Variants in CCDC158 observed in about 807,000 individuals in gnomAD.
CCDC158 encodes the protein coiled-coil domain containing 158.
CCDC158 carries 116 observed loss-of-function variants against 138.6 expected under a neutral mutation model. The observed-to-expected ratio is 0.84, with a 90% confidence interval of 0.72 to 0.98. The LOEUF (loss-of-function observed/expected upper bound fraction) is 0.98, where lower values mean the gene tolerates loss of function less well. Among genes scored for constraint, CCDC158 ranks in the 50% least tolerant of loss-of-function variants. The pLI is 0.00. For missense variants in CCDC158, 1,265 were observed against 1,306.1 expected (o/e 0.97, Z 0.48); for synonymous variants, 436 against 442.4 (o/e 0.99, Z 0.18).
chr4:76,315,218 G>A (rs944668534), intron 24 of CCDC158, among the ~76,000 whole-genome samples: 4 of 152,066 alleles, frequency 2.6e-5, no homozygotes, highest in African/African-American at 9.7e-5. Context: ...AACTCCACTG[G>A]CCCAAGAACC....
chr4:76,351,002 C>A lies in CCDC158; in HGVS notation c.2658G>T (p.Leu886=). ...VPSSQSTASF[L]SHHSTKANTL... ...CATAAGACTGGTTACTTACATGAGA[C>A]AGGAAGCTGGCTGTAGACTGCGAAG... Residue 886 remains leucine (L), a synonymous_variant, in exon 18 of 25, where the codon CTG becomes CTT. Transcript: ENST00000682701. 1.2e-6 allele frequency: 2 copies of A among 1,613,286 alleles called. No homozygotes were observed. The highest frequency in any genetic ancestry group is 2.2e-5 in the South Asian group (2 of 90,948).
rs532099268 is a variant in CCDC158, at chr4:76,416,143, CT to C, written c.-116-4012del. On this transcript the variant is annotated intron_variant, in intron 1 of 24. Transcript: ENST00000682701. The stretch of plus-strand genomic sequence containing the variant: ...ATAATGGTGTAAGCTGTCTCTCTCT[CT>C]CTCCTCTCTCTCTCTGCCTCAGCTG... Among the ~76,000 whole-genome samples the C allele has an allele frequency of 1.7e-3, 265 of 151,692 alleles. 2 individuals are homozygous for C. The highest frequency in any genetic ancestry group is 6.1e-3 in the African/African-American group (252 of 41,028).
At chr4:76,323,489 C>T in intron 23 of CCDC158, 80 bp from the exon 24 acceptor site, 1 of 1,111,236 alleles carries the variant, frequency 9.0e-7, no homozygotes, top group South Asian at 1.7e-5. Context: ...AAAGGCTAAA[C>T]AATTTTTCTT....
chr4:76,372,241 C>A (rs1042210076), intron 9 of CCDC158, among the ~76,000 whole-genome samples: 1 of 152,122 alleles, frequency 6.6e-6, no homozygotes, highest in African/African-American at 2.4e-5. Context: ...GAGTTCAAGA[C>A]CAACCTAGGC....
intron 2 of CCDC158, among the ~76,000 whole-genome samples, chr4:76,411,051 A>G (rs2109905883): frequency 6.6e-6 from 1 of 152,344 alleles, no homozygotes; most frequent in South Asian, 2.1e-4. Context: ...CTTCCTACAT[A>G]GTAACTGCCT....
At chr4:76,387,877 G>C (rs191115629) in intron 4 of CCDC158, among the ~76,000 whole-genome samples, 115 of 150,048 alleles carry the variant, frequency 7.7e-4, no homozygotes, top group Non-Finnish European at 1.1e-3. Flanking sequence ...GCCAGGCATG[G>C]TGGCACATGC....
At chr4:76,353,967 C>T (rs1415770759) in intron 15 of CCDC158, among the ~76,000 whole-genome samples, 1 of 151,990 alleles carries the variant, frequency 6.6e-6, no homozygotes, top group African/African-American at 2.4e-5. Flanking sequence ...TAGTGAAAAA[C>T]ATTTATTGTA....
intron 18 of CCDC158, among the ~76,000 whole-genome samples, chr4:76,340,247 G>C (rs1017941938): frequency 1.3e-5 from 2 of 152,216 alleles, no homozygotes; most frequent in Non-Finnish European, 2.9e-5. Context: ...TTTTGAAAGA[G>C]GCTGTGCCAG....
At position 76,366,666 on chromosome 4, in the gene CCDC158, T is replaced by C. The variant is rs141915519; in HGVS notation, c.1830+628A>G. 3.1e-3 allele frequency among the ~76,000 whole-genome samples: 412 copies of C among 133,194 alleles called. 2 individuals carry two copies. Among genetic ancestry groups the C allele is most frequent in the African/African-American group, 0.01 (372 of 36,906 alleles). 87.4% of individuals were successfully genotyped at this position (133,194 alleles called of 152,430 possible). A position where few individuals can be genotyped will look rare whatever the true frequency, so the allele number is the denominator to read the frequency against. ...ACACACACACACACACACGGCAATA[T>C]AGAATGTGAACCAGGTTTTAACAGG... is the stretch of plus-strand genomic sequence containing the variant. On this transcript the variant is annotated intron_variant, in intron 12 of 24. Coordinates refer to ENST00000682701, the MANE Select transcript of CCDC158 (RefSeq NM_001394954.1).
At chr4:76,340,984 C>T (rs1035582605) in intron 18 of CCDC158, among the ~76,000 whole-genome samples, 5 of 151,960 alleles carry the variant, frequency 3.3e-5, no homozygotes, top group Non-Finnish European at 7.4e-5. Flanking sequence ...GCTTTTTGTG[C>T]TATGGGAAGA....
rs1263543906 is a variant in CCDC158, at chr4:76,359,016, G to A, written c.2021-1490C>T. ...GGGAGGTGATTGGATCATGGGGAAG[G>A]ATTTCCCCCTTGCTGTTCTTGTGAC... On this transcript the variant is annotated intron_variant, in intron 13 of 24. Transcript: ENST00000682701. Among the ~76,000 whole-genome samples, 3 of 152,212 alleles carry A rather than the reference G, an allele frequency of 2.0e-5. No homozygotes were observed. The East Asian group carries it at 5.8e-4, about 29-fold the overall frequency.
At chr4:76,342,135 A>G (rs1722110128) in intron 18 of CCDC158, among the ~76,000 whole-genome samples, 1 of 152,088 alleles carries the variant, frequency 6.6e-6, no homozygotes, top group African/African-American at 2.4e-5. Context: ...CCTCGTACTC[A>G]TGGACTCAAG....
At chr4:76,376,203 G>A (rs943347793) in intron 9 of CCDC158, among the ~76,000 whole-genome samples, 3 of 152,030 alleles carry the variant, frequency 2.0e-5, no homozygotes, top group Non-Finnish European at 4.4e-5. Flanking sequence ...ACAGGCGCAC[G>A]CTACCATGCC....
chr4:76,325,645 T>C (rs1471356360), intron 23 of CCDC158, among the ~76,000 whole-genome samples: 2 of 152,196 alleles, frequency 1.3e-5, no homozygotes, highest in African/African-American at 4.8e-5. Flanking sequence ...AGAGAGATAA[T>C]GTTTACATAT....
intron 11 of CCDC158, among the ~76,000 whole-genome samples, chr4:76,368,197 G>A (rs1724881902): frequency 6.6e-6 from 1 of 152,100 alleles, no homozygotes; most frequent in Non-Finnish European, 1.5e-5. Context: ...TTTCCTCTGT[G>A]GATGTTTTCT....
intron 18 of CCDC158, among the ~76,000 whole-genome samples, chr4:76,340,680 G>C (rs1721965788): frequency 6.6e-6 from 1 of 152,000 alleles, no homozygotes; most frequent in Non-Finnish European, 1.5e-5. Flanking sequence ...ACCTCCAGAT[G>C]GGACCATCTA....
chr4:76,333,965 C>T, intron 19 of CCDC158, 45 bp downstream of exon 19: 1 of 1,428,216 alleles, frequency 7.0e-7, no homozygotes, highest in Admixed American at 2.1e-5. Flanking sequence ...AATGGCAAAC[C>T]ATTCAAGAGA....
At chr4:76,347,954 A>G (rs1560405004) in intron 18 of CCDC158, among the ~76,000 whole-genome samples, 1 of 152,168 alleles carries the variant, frequency 6.6e-6, no homozygotes, top group Admixed American at 6.5e-5. Flanking sequence ...AAAATATCTT[A>G]GAGTGGGCAA....
At chr4:76,387,420 C>T (rs1333559006) in intron 4 of CCDC158, among the ~76,000 whole-genome samples, 1 of 152,158 alleles carries the variant, frequency 6.6e-6, no homozygotes, top group Non-Finnish European at 1.5e-5. Context: ...GGCATGGTGG[C>T]TCATGCCTGT....
Sources: allele counts gnomAD v4.1 joint callset (sites outside exome capture counted in the v4.1 genomes callset), GRCh38; gene constraint gnomAD v4.1.1; transcripts MANE v1.5; gene names NCBI Gene and HGNC (gene_info 2026-07-23, HGNC 2026-07-21).